The following TSHZ3 variants were observed in gnomAD, a reference collection of about 807,000 sequenced individuals.
TSHZ3 encodes teashirt homolog 3.
A neutral mutation model predicts 64.5 loss-of-function variants in TSHZ3; 10 were observed. The ratio of observed to expected loss-of-function variants is 0.16; its 90% CI spans 0.10 to 0.26. The LOEUF is 0.26. Among genes scored for constraint, TSHZ3 ranks in the 10% least tolerant of loss-of-function variants. The pLI, the probability that TSHZ3 is intolerant of heterozygous loss-of-function variation, is 1.00. For missense variants in TSHZ3, 1,242 were observed against 1,421.7 expected (o/e 0.87, Z 2.03); for synonymous variants, 608 against 593.1 (o/e 1.03, Z -0.36).
At chr19:31,216,411 G>T (rs1975330129) in intron 4 of TSHZ3, among the ~76,000 whole-genome samples, 2 of 151,746 alleles carry the variant, frequency 1.3e-5, no homozygotes. Context: ...ACAGAGGGAT[G>T]AGAGTCACCT....
chr19:31,331,614 G>A (rs928878165), intron 1 of TSHZ3, among the ~76,000 whole-genome samples: 11 of 152,116 alleles, frequency 7.2e-5, no homozygotes, highest in Non-Finnish European at 1.6e-4. Context: ...TGCCATGGAC[G>A]CACAGAGAGA....
intron 1 of TSHZ3, among the ~76,000 whole-genome samples, chr19:31,320,436 TATTTA>T (rs1465195147): frequency 6.6e-6 from 1 of 152,228 alleles, no homozygotes; most frequent in Non-Finnish European, 1.5e-5. Flanking sequence ...GTGTGAATGT[TATTTA>T]TTTAACCTTA....
Position 31,196,096 on chromosome 19 carries a change from T to C in TSHZ3, n.809+8860A>G, listed in dbSNP as rs558875101. Among the ~76,000 whole-genome samples the C allele has an allele frequency of 2.4e-4, 37 of 152,088 alleles. No homozygotes were observed. In the South Asian group the frequency reaches 6.2e-3, roughly 26 times the overall value. On this transcript the variant is annotated intron_variant and non_coding_transcript_variant, in intron 5 of 6. Coordinates refer to the TSHZ3 transcript ENST00000651361. ...GTGTGTGTATGTGTGTGTGTGTATG[T>C]ATACATGTATATATTTATATGAAAT... is the stretch of plus-strand genomic sequence containing the variant.
chr19:31,291,282 G>A (rs1454083058), intron 1 of TSHZ3, among the ~76,000 whole-genome samples: 1 of 152,186 alleles, frequency 6.6e-6, no homozygotes, highest in Non-Finnish European at 1.5e-5. Context: ...CAAACCTGGG[G>A]CTCCCAAAAC....
chr19:31,240,801 T>C (rs935633438), intron 3 of TSHZ3, among the ~76,000 whole-genome samples: 2 of 152,206 alleles, frequency 1.3e-5, no homozygotes, highest in Admixed American at 1.3e-4. Context: ...TCTGTTAGGT[T>C]CATCTGGTAA....
rs765220734 is a variant in TSHZ3, at chr19:31,276,765, A to G, written c.3028T>C (p.Ser1010Pro). 2 of 1,613,710 alleles carry G rather than the reference A, an allele frequency of 1.2e-6. No homozygotes were observed. The highest frequency in any genetic ancestry group is 2.2e-5 in the South Asian group (2 of 91,072). ...GFRLRDLSKL[S>P]TEQINSQIAQ... ...ATCTGACTGTTAATCTGTTCGGTGG[A>G]CAGTTTGGATAAGTCCCGTAGCCGG... Residue 1010 changes from serine to proline, a missense_variant, in exon 2 of 2, where the codon TCC becomes CCC. Ser to Pro is a moderately conservative substitution (Grantham distance 74). Coordinates refer to ENST00000240587, the MANE Select transcript of TSHZ3 (RefSeq NM_020856.4).
chr19:31,240,894 C>T (rs931345452), intron 3 of TSHZ3, among the ~76,000 whole-genome samples: 2 of 151,956 alleles, frequency 1.3e-5, no homozygotes, highest in Non-Finnish European at 1.5e-5. Flanking sequence ...CATTTTTCTG[C>T]TCAGATTCTT....
chr19:31,324,747 T>C (rs1456852871), intron 1 of TSHZ3, among the ~76,000 whole-genome samples: 4 of 152,216 alleles, frequency 2.6e-5, no homozygotes, highest in Non-Finnish European at 4.4e-5. Context: ...CCTTGCATTA[T>C]GTAGGCCAAG....
upstream of TSHZ3, among the ~76,000 whole-genome samples, chr19:31,350,454 G>A (rs1164503317): frequency 6.6e-6 from 1 of 151,548 alleles, no homozygotes; most frequent in Non-Finnish European, 1.5e-5. Flanking sequence ...CCCCATCCAC[G>A]GCGCGGGCCG....
At chr19:31,348,137 C>T (rs2021569132) in intron 1 of TSHZ3, among the ~76,000 whole-genome samples, 1 of 152,242 alleles carries the variant, frequency 6.6e-6, no homozygotes, top group African/African-American at 2.4e-5. Flanking sequence ...GTGGTCCTCT[C>T]GGCAATCCGC....
chr19:31,201,020 C>A (rs1483419951), intron 5 of TSHZ3, among the ~76,000 whole-genome samples: 1 of 151,852 alleles, frequency 6.6e-6, no homozygotes. Flanking sequence ...AAAATGTAGA[C>A]AAATCAGTTA....
intron 5 of TSHZ3, among the ~76,000 whole-genome samples, chr19:31,166,140 A>G (rs932821279): frequency 1.3e-5 from 2 of 152,208 alleles, no homozygotes; most frequent in Non-Finnish European, 2.9e-5. Flanking sequence ...TCAACCCACC[A>G]GACAGTGCTC....
rs1976221212 is a variant in TSHZ3 at position 31,275,871 on chromosome 19, A to G, written c.*676T>C. On this transcript the variant is annotated 3_prime_UTR_variant, in exon 2 of 2. Coordinates refer to ENST00000240587, the MANE Select transcript of TSHZ3 (RefSeq NM_020856.4). ...TATGCCCAGAGCATAGCAGGTGCATAAAACACTGTTGCTATAAATGCAAGA... is the reference window on the plus strand; with the variant it reads ...TATGCCCAGAGCATAGCAGGTGCATGAAACACTGTTGCTATAAATGCAAGA... 1 of 152,666 alleles carries G rather than the reference A, an allele frequency of 6.6e-6. No homozygotes were observed. The highest frequency in any genetic ancestry group is 6.5e-5 in the Admixed American group (1 of 15,286). 9.5% of individuals were successfully genotyped at this position (152,666 alleles called of 1,614,324 possible).
intron 5 of TSHZ3, among the ~76,000 whole-genome samples, chr19:31,176,807 A>AAACAAC (rs532962741): frequency 2.0e-5 from 3 of 152,104 alleles, no homozygotes; most frequent in East Asian, 1.9e-4. Context: ...AAATACTGAA[A>AAACAAC]AACAACAACA....
At position 31,198,310 on chromosome 19, in the gene TSHZ3, C is replaced by T. The variant is rs191419370; in HGVS notation, n.809+6646G>A. ...AGGGAAACCTCATAAAGAATATTCA[C>T]GAAAACTGACAGCTAATGTCATAGT... On this transcript the variant is annotated intron_variant and non_coding_transcript_variant, in intron 5 of 6. Transcript: ENST00000651361. Among the ~76,000 whole-genome samples the T allele has an allele frequency of 2.0e-4, 30 of 152,156 alleles. No individual in the cohort carries two copies. The East Asian group carries it at 2.5e-3, about 13-fold the overall frequency.
chr19:31,331,118 C>G (rs765674392), intron 1 of TSHZ3, among the ~76,000 whole-genome samples: 2 of 152,074 alleles, frequency 1.3e-5, no homozygotes, highest in Non-Finnish European at 2.9e-5. Flanking sequence ...AGGGAAACGG[C>G]GCATGTAACC....
downstream of TSHZ3, among the ~76,000 whole-genome samples, chr19:31,270,676 C>T (rs1976123534): frequency 6.6e-6 from 1 of 152,150 alleles, no homozygotes; most frequent in South Asian, 2.1e-4. Context: ...AGAGTAGCTG[C>T]TAGTCACATG....
chr19:31,217,439 T>C (rs1975349058), intron 4 of TSHZ3, among the ~76,000 whole-genome samples: 1 of 152,078 alleles, frequency 6.6e-6, no homozygotes, highest in South Asian at 2.1e-4. Context: ...TAGATGGATT[T>C]TAAGAAAAGG....
At chr19:31,260,014 A>T (rs1217784745) in intron 1 of TSHZ3, among the ~76,000 whole-genome samples, 2 of 152,180 alleles carry the variant, frequency 1.3e-5, no homozygotes, top group Non-Finnish European at 2.9e-5. Flanking sequence ...AACTTCTATG[A>T]TGTGCATCTT....
Sources: gnomAD v4.1 joint callset for allele counts (sites outside exome capture counted in the v4.1 genomes callset) on GRCh38, gnomAD v4.1.1 for gene constraint, MANE v1.5 for transcripts, NCBI Gene and HGNC (gene_info 2026-07-23, HGNC 2026-07-21) for gene names.